The following TASP1 variants were observed in gnomAD, a reference collection of about 807,000 sequenced individuals.
TASP1 encodes taspase 1, also known as threonine aspartase 1.
Under a neutral mutation model 56.6 loss-of-function variants are expected in TASP1, and 16 were observed. That is an observed-to-expected ratio of 0.28 (90% CI 0.19 to 0.43). TASP1 has a LOEUF of 0.43. TASP1 is among the 20% of genes least tolerant of loss of function. The pLI is 1.00. For missense variants in TASP1, 393 were observed against 511.6 expected (o/e 0.77, Z 2.24); for synonymous variants, 179 against 184.2 (o/e 0.97, Z 0.23).
chr20:13,502,615 A>G lies in TASP1; in HGVS notation c.875-19278T>C, dbSNP rs568542275. Among the ~76,000 whole-genome samples, 31 of 152,196 alleles carry G rather than the reference A, an allele frequency of 2.0e-4. 1 individual carries two copies. The highest frequency in any genetic ancestry group is 1.9e-3 in the South Asian group (9 of 4,810). On this transcript the variant is annotated intron_variant, in intron 10 of 13. Coordinates refer to ENST00000337743, the MANE Select transcript of TASP1 (RefSeq NM_017714.3). Reference sequence around the variant, plus strand: ...TTCAAAATAGTGGTTACCCATGGAGAAGAATTTGTGACAAGGTAGGAGAGG... The same window carrying G: ...TTCAAAATAGTGGTTACCCATGGAGGAGAATTTGTGACAAGGTAGGAGAGG...
chr20:13,517,260 T>C (rs947086207), intron 10 of TASP1, among the ~76,000 whole-genome samples: 1 of 152,116 alleles, frequency 6.6e-6, no homozygotes, highest in Non-Finnish European at 1.5e-5. Flanking sequence ...TTCTCTCTTA[T>C]CATAACCAGG....
At chr20:13,403,192 T>C (rs947574053) in intron 13 of TASP1, among the ~76,000 whole-genome samples, 1 of 146,196 alleles carries the variant, frequency 6.8e-6, no homozygotes, top group Admixed American at 6.6e-5. Context: ...CCAGCTGGCT[T>C]ATTAACTTAT....
At chr20:13,205,334 T>C in the TASP1 span, among the ~76,000 whole-genome samples, 1 of 152,124 alleles carries the variant, frequency 6.6e-6, no homozygotes, top group Admixed American at 6.5e-5. Context: ...ATGTCCCTTC[T>C]CAAAATCAAG....
At chr20:13,471,778 G>C (rs2044503582) in intron 11 of TASP1, among the ~76,000 whole-genome samples, 1 of 152,148 alleles carries the variant, frequency 6.6e-6, no homozygotes, top group Admixed American at 6.5e-5. Flanking sequence ...GATGATTTCT[G>C]CATTTCCAAC....
the TASP1 span, among the ~76,000 whole-genome samples, chr20:13,334,080 G>A: frequency 1.2e-4 from 18 of 152,192 alleles, no homozygotes; most frequent in Admixed American, 4.6e-4. Flanking sequence ...CGTAAGGATG[G>A]GGGAGGGAGA....
intron 9 of TASP1, among the ~76,000 whole-genome samples, chr20:13,529,940 G>A (rs1028071122): frequency 3.9e-5 from 6 of 152,230 alleles, no homozygotes; most frequent in South Asian, 2.1e-4. Flanking sequence ...TTCTGTTTAC[G>A]GACACTTCCC....
At chr20:13,322,005 TGA>T in the TASP1 span, among the ~76,000 whole-genome samples, 5 of 152,334 alleles carry the variant, frequency 3.3e-5, no homozygotes, top group East Asian at 9.6e-4. Flanking sequence ...GAAGAATTAA[TGA>T]GTCAACATTT....
chr20:13,424,559 A>C (rs1171985015), intron 12 of TASP1, among the ~76,000 whole-genome samples: 3 of 152,014 alleles, frequency 2.0e-5, no homozygotes, highest in Admixed American at 2.0e-4. Flanking sequence ...CGCAGGGTAA[A>C]TGAGTGGCCT....
intron 10 of TASP1, among the ~76,000 whole-genome samples, chr20:13,516,522 C>G (rs954180314): frequency 1.3e-5 from 2 of 152,082 alleles, no homozygotes; most frequent in Admixed American, 6.6e-5. Context: ...CAACTTACCC[C>G]CTCTCCAACT....
chr20:13,133,213 G>T, the TASP1 span, among the ~76,000 whole-genome samples: 1 of 151,712 alleles, frequency 6.6e-6, no homozygotes, highest in African/African-American at 2.4e-5. Flanking sequence ...TATAGTTCCC[G>T]CTGCACAAGT....
chr20:13,117,630 G>T, the TASP1 span: 1 of 1,614,108 alleles, frequency 6.2e-7, no homozygotes, highest in South Asian at 1.1e-5. Context: ...GGGTGTCACG[G>T]AGTTCTTTGG....
chr20:13,587,799 T>C (rs555687774), intron 4 of TASP1, among the ~76,000 whole-genome samples: 1 of 151,648 alleles, frequency 6.6e-6, no homozygotes, highest in African/African-American at 2.4e-5. Flanking sequence ...GAAAACTAGA[T>C]AAGGGAACTT....
chr20:13,513,338 C>A (rs1251171596), intron 10 of TASP1, among the ~76,000 whole-genome samples: 1 of 147,476 alleles, frequency 6.8e-6, no homozygotes, highest in Non-Finnish European at 1.5e-5. Flanking sequence ...ATAAGTTCCA[C>A]ATCATGGCAC....
chr20:13,425,767 T>C (rs2146121361), intron 12 of TASP1, among the ~76,000 whole-genome samples: 1 of 152,262 alleles, frequency 6.6e-6, no homozygotes, highest in Non-Finnish European at 1.5e-5. Context: ...TCACTGTAGA[T>C]TTTTGCCCCT....
chr20:13,615,957 T>C (rs562140598), intron 4 of TASP1, among the ~76,000 whole-genome samples: 6 of 152,214 alleles, frequency 3.9e-5, no homozygotes, highest in East Asian at 3.9e-4. Flanking sequence ...TTTCCAAACA[T>C]AGAAAAATCT....
At chr20:13,370,980 T>A in the TASP1 span, among the ~76,000 whole-genome samples, 1 of 152,156 alleles carries the variant, frequency 6.6e-6, no homozygotes, top group East Asian at 1.9e-4. Context: ...ATTTCCTTTA[T>A]ATTCTTTTCA....
chr20:13,435,161 A>G lies in TASP1; in HGVS notation c.986-7T>C. The G allele has an allele frequency of 6.4e-7, 1 of 1,569,604 alleles. No individual in the cohort carries two copies. The highest frequency in any genetic ancestry group is 8.7e-7 in the Non-Finnish European group (1 of 1,153,018). On this transcript the variant is annotated splice_polypyrimidine_tract_variant and splice_region_variant and intron_variant, in intron 11 of 13. Transcript: ENST00000337743. ...CTGGCAAGGAAAGGTGAACCTAGGC[A>G]GAAAGGACTAGTAGTTATTTTTCAG...
intron 11 of TASP1, among the ~76,000 whole-genome samples, chr20:13,449,756 A>C (rs963639936): frequency 2.6e-5 from 4 of 152,144 alleles, no homozygotes; most frequent in African/African-American, 9.6e-5. Flanking sequence ...CTCTAGGTCT[A>C]GAAATACTGC....
At position 13,557,690 on chromosome 20, in the gene TASP1, C is replaced by T. The variant is rs111870746; in HGVS notation, c.675+1318G>A. ...TGACACCCCAGACTCAGGTGATTCT[C>T]CTACCTCAGCCTCCCGAGTAGCTGA... On this transcript the variant is annotated intron_variant, in intron 8 of 13. Transcript: ENST00000337743. Among the ~76,000 whole-genome samples, 1,038 of 148,518 alleles carry T rather than the reference C, an allele frequency of 7.0e-3. 14 individuals carry two copies. Among genetic ancestry groups the T allele is most frequent in the African/African-American group, 0.025 (988 of 40,178 alleles).
Sources: gnomAD v4.1 joint callset for allele counts (sites outside exome capture counted in the v4.1 genomes callset) on GRCh38, gnomAD v4.1.1 for gene constraint, MANE v1.5 for transcripts, NCBI Gene and HGNC (gene_info 2026-07-23, HGNC 2026-07-21) for gene names.